SLC12A8: variants seen among roughly 807,000 people sequenced by gnomAD.
SLC12A8 encodes the protein solute carrier family 12 member 8.
A neutral mutation model predicts 75.6 loss-of-function variants in SLC12A8; 69 were observed. That is an observed-to-expected ratio of 0.91 (90% CI 0.75 to 1.11). SLC12A8 has a LOEUF of 1.11. Ranked by LOEUF, SLC12A8 falls within the 50% of genes most tolerant of loss-of-function variation. The probability of loss-of-function intolerance (pLI) is 0.00; values close to 1 mark genes in which losing one functional copy is unlikely to be tolerated. For missense variants in SLC12A8, 877 were observed against 896.7 expected (o/e 0.98, Z 0.28); for synonymous variants, 365 against 372.8 (o/e 0.98, Z 0.24).
At chr3:125,092,949 C>T (rs1294305554) in intron 10 of SLC12A8, among the ~76,000 whole-genome samples, 2 of 152,116 alleles carry the variant, frequency 1.3e-5, no homozygotes, top group Non-Finnish European at 2.9e-5. Flanking sequence ...AAATAGTGTA[C>T]ACTGTAGCCA....
intron 5 of SLC12A8, among the ~76,000 whole-genome samples, chr3:125,152,849 T>C (rs966376880): frequency 6.6e-6 from 1 of 152,208 alleles, no homozygotes; most frequent in Non-Finnish European, 1.5e-5. Context: ...ATGGATTCCC[T>C]GTTTCATGAG....
intron 4 of SLC12A8, 92 bp from the exon 5 acceptor site, chr3:125,178,066 A>C: frequency 2.9e-6 from 3 of 1,029,954 alleles, no homozygotes; most frequent in Non-Finnish European, 4.4e-6. Context: ...CTGCACCCCC[A>C]TCGGACACAC....
intron 4 of SLC12A8, among the ~76,000 whole-genome samples, chr3:125,179,095 T>C (rs1000656129): frequency 1.2e-4 from 19 of 152,286 alleles, no homozygotes; most frequent in African/African-American, 4.6e-4. Flanking sequence ...GGCCAGCTGG[T>C]CACTCTAATC....
chr3:125,155,436 A>T (rs557719834), intron 5 of SLC12A8, among the ~76,000 whole-genome samples: 2 of 152,142 alleles, frequency 1.3e-5, no homozygotes, highest in Non-Finnish European at 1.5e-5. Flanking sequence ...CTGATGCAGG[A>T]ATTGATGTAG....
At chr3:125,153,096 C>G (rs546116259) in intron 5 of SLC12A8, among the ~76,000 whole-genome samples, 57 of 152,312 alleles carry the variant, frequency 3.7e-4, no homozygotes, top group African/African-American at 1.3e-3. Context: ...ATCACACTTT[C>G]ACAAGCTGCG....
intron 13 of SLC12A8, among the ~76,000 whole-genome samples, chr3:125,084,478 T>G (rs192928404): frequency 6.6e-6 from 1 of 151,830 alleles, no homozygotes; most frequent in Non-Finnish European, 1.5e-5. Context: ...GAAAAGAAAG[T>G]TGAATAAGGA....
intron 5 of SLC12A8, among the ~76,000 whole-genome samples, chr3:125,163,630 G>T (rs1233675539): frequency 6.6e-6 from 1 of 151,542 alleles, no homozygotes; most frequent in Non-Finnish European, 1.5e-5. Context: ...AAAAGAAAAA[G>T]AAATGCTACT....
chr3:125,176,306 G>A (rs1934526113), intron 5 of SLC12A8, among the ~76,000 whole-genome samples: 1 of 152,146 alleles, frequency 6.6e-6, no homozygotes, highest in Non-Finnish European at 1.5e-5. Context: ...CCTGACTTCA[G>A]GTGATCCACC....
intron 8 of SLC12A8, chr3:125,110,571 A>C: frequency 2.9e-6 from 1 of 341,746 alleles, no homozygotes; most frequent in South Asian, 9.1e-5. Context: ...AGCGTCTGCC[A>C]GACTCAGCTG....
chr3:125,106,323 G>T (rs1939020610), intron 10 of SLC12A8, among the ~76,000 whole-genome samples: 1 of 151,904 alleles, frequency 6.6e-6, no homozygotes, highest in African/African-American at 2.4e-5. Flanking sequence ...ACAGGTTTCT[G>T]GGAGAACTTA....
intron 2 of SLC12A8, chr3:125,192,790 C>T (rs1934931800): frequency 6.5e-6 from 1 of 154,422 alleles, no homozygotes; most frequent in Non-Finnish European, 1.5e-5. Flanking sequence ...CCTTTTCTCA[C>T]CACATGACAA....
Position 125,108,027 on chromosome 3 carries a change from C to T in SLC12A8, c.1159G>A (p.Val387Ile), listed in dbSNP as rs199641456. ...VGQVNVLAPIVTINFMLTYVA... is the reference protein window; with the variant it reads ...VGQVNVLAPIITINFMLTYVA... ...TATGTCAGCATGAAGTTGATGGTGA[C>T]GATGGGGGCCAGAACGTTCACTTGA... Residue 387 changes from valine (V) to isoleucine (I), a missense_variant, in exon 10 of 14, where the codon GTC becomes ATC. By Grantham distance (29) the Val-to-Ile change is conservative (BLOSUM62 3). Transcript: ENST00000469902. The T allele has an allele frequency of 3.8e-5, 62 of 1,614,078 alleles. No homozygotes were observed. Among genetic ancestry groups the T allele is most frequent in the Non-Finnish European group, 5.0e-5 (59 of 1,180,008 alleles).
In SLC12A8 at chr3:125,198,268, A is replaced by AC. The variant is rs1369124469; in HGVS notation, c.52-7748_52-7747insG. ...AACATGTGTTCTTTAAAAAAAAAAA[A>AC]ACAAAACAGTCAAGGTCATAAAAGA... On this transcript the variant is annotated intron_variant, in intron 2 of 13. Transcript: ENST00000469902. Among the ~76,000 whole-genome samples, 15 of 148,348 alleles carry AC rather than the reference A, an allele frequency of 1.0e-4. No individual in the cohort carries two copies. In the South Asian group the frequency reaches 1.7e-3, roughly 17 times the overall value.
chr3:125,210,026 G>A (rs1298746845), intron 2 of SLC12A8, among the ~76,000 whole-genome samples: 3 of 152,194 alleles, frequency 2.0e-5, no homozygotes, highest in African/African-American at 7.2e-5. Flanking sequence ...TGGGCATTGG[G>A]CCATGTCCAA....
intron 13 of SLC12A8, among the ~76,000 whole-genome samples, chr3:125,085,914 T>C (rs901055234): frequency 1.1e-4 from 17 of 151,722 alleles, no homozygotes; most frequent in Admixed American, 3.9e-4. Context: ...TTTTTTTCTT[T>C]TTTTTTTTGA....
In SLC12A8 at chr3:125,118,870, G is replaced by C. The variant is rs1483074771; in HGVS notation, c.825-14C>G. On this transcript the variant is annotated splice_polypyrimidine_tract_variant and intron_variant, in intron 7 of 13. Coordinates refer to ENST00000469902, the MANE Select transcript of SLC12A8 (RefSeq NM_024628.6). ...TACAGAAACCACCTGCAAAACCCAAGAGCAGAACAGAGCTGCCCCCGACTC... is the reference window on the plus strand; with the variant it reads ...TACAGAAACCACCTGCAAAACCCAACAGCAGAACAGAGCTGCCCCCGACTC... The C allele has an allele frequency of 3.2e-6, 5 of 1,569,364 alleles. No individual in the cohort carries two copies. Among genetic ancestry groups the C allele is most frequent in the Non-Finnish European group, 4.4e-6 (5 of 1,140,006 alleles).
chr3:125,105,048 C>A (rs748485219), intron 10 of SLC12A8, among the ~76,000 whole-genome samples: 2 of 151,392 alleles, frequency 1.3e-5, no homozygotes, highest in Non-Finnish European at 2.9e-5. Flanking sequence ...CAAAACTAAT[C>A]GTGACTGATA....
Position 125,173,217 on chromosome 3 carries a change from G to A in SLC12A8, c.622+4526C>T, listed in dbSNP as rs111320221. Among the ~76,000 whole-genome samples, 1,106 of 152,024 alleles carry A rather than the reference G, an allele frequency of 7.3e-3. 15 individuals are homozygous for A. The highest frequency in any genetic ancestry group is 0.025 in the African/African-American group (1,045 of 41,478). On this transcript the variant is annotated intron_variant, in intron 5 of 13. Coordinates refer to ENST00000469902, the MANE Select transcript of SLC12A8 (RefSeq NM_024628.6). ...AAACAAAGAAACCACTGGTGAAAAG[G>A]GACAAAGTTGGAGGATAGATGCTAA...
rs746833412 is a variant in SLC12A8 at position 125,107,587 on chromosome 3, G to A, written c.1599C>T (p.Ser533=). Residue 533 remains serine (S), a synonymous_variant, in exon 10 of 14, where the codon TCC becomes TCT. Coordinates refer to ENST00000469902, the MANE Select transcript of SLC12A8 (RefSeq NM_024628.6). ...TCTTGGAAGTCTGCTTGTTCCAGCA[G>A]GACTCCTGCCCCTCCCAGGAGGCAG... ...LPAASWEGQE[S]CWNKQTSKSE... is the part of the protein sequence containing the mutation. 8 of 1,614,198 alleles carry A rather than the reference G, an allele frequency of 5.0e-6. No homozygotes were observed. The highest frequency in any genetic ancestry group is 5.9e-6 in the Non-Finnish European group (7 of 1,180,038).
Sources: allele counts gnomAD v4.1 joint callset (sites outside exome capture counted in the v4.1 genomes callset), GRCh38; gene constraint gnomAD v4.1.1; transcripts MANE v1.5; gene names NCBI Gene and HGNC (gene_info 2026-07-23, HGNC 2026-07-21).